Variants in GON4L observed in about 807,000 individuals in gnomAD.
The protein encoded by GON4L is gon-4 like.
In GON4L, 87 loss-of-function variants were observed where a neutral mutation model predicts 211.8. The observed-to-expected ratio is 0.41, with a 90% CI of 0.35 to 0.49. The LOEUF (loss-of-function observed/expected upper bound fraction) is 0.49. GON4L is among the 20% of genes least tolerant of loss of function. GON4L has a pLI of 0.15. For synonymous variants in GON4L, 875 were observed against 962.6 expected, an observed-to-expected ratio of 0.91 and a Z score of 1.68; for missense variants, 2,155 against 2,659.5, an observed-to-expected ratio of 0.81 and a Z score of 4.17.
chr1:155,747,754 C>A, downstream of GON4L: 1 of 1,613,856 alleles, frequency 6.2e-7, no homozygotes, highest in African/African-American at 1.3e-5. Flanking sequence ...TCACTCACCC[C>A]CGCCCAGGGC....
Position 155,789,085 on chromosome 1 carries a change from G to GA in GON4L, c.1748-3712dup, listed in dbSNP as rs10634121. ...GGTGACAGAGCGAGACTCCGTCTCG[G>GA]AAAAAAAAAAAAAAAAAAATCAGAA... On this transcript the variant is annotated intron_variant, in intron 12 of 31. Transcript: ENST00000368331. Among the ~76,000 whole-genome samples the GA allele has an allele frequency of 8.0e-3, 885 of 111,306 alleles. 10 individuals carry two copies. The highest frequency in any genetic ancestry group is 0.022 in the African/African-American group (637 of 29,418). 73.0% of individuals were successfully genotyped at this position (111,306 alleles called of 152,430 possible).
rs752684182 is a variant in GON4L at position 155,753,266 on chromosome 1, C to A, written c.5780G>T (p.Ser1927Ile). Residue 1927 changes from serine (S) to isoleucine (I), a missense_variant, in exon 29 of 32, where the codon AGC (serine) becomes ATC (isoleucine). Ser to Ile is a moderately radical substitution (Grantham distance 142). Transcript: ENST00000368331. ...AGTCCTGCTCTGGGTGGCCTCAGTGCTCTCCCGCTCCTCTGGGGCTTCCTC... is the reference window on the plus strand; with the variant it reads ...AGTCCTGCTCTGGGTGGCCTCAGTGATCTCCCGCTCCTCTGGGGCTTCCTC... ...MEEEAPEERE[S>I]TEATQSRTVR... is the part of the protein sequence containing the mutation. 5.0e-6 allele frequency: 8 copies of A among 1,612,902 alleles called. No individual in the cohort carries two copies. Among genetic ancestry groups the A allele is most frequent in the Non-Finnish European group, 6.8e-6 (8 of 1,179,606 alleles).
downstream of GON4L, chr1:155,748,341 C>T: frequency 6.6e-7 from 1 of 1,506,218 alleles, no homozygotes; most frequent in African/African-American, 1.4e-5. Flanking sequence ...TAACATTCTG[C>T]CTCCACACAT....
At chr1:155,829,437 C>T (rs867941626) in intron 2 of GON4L, among the ~76,000 whole-genome samples, 10 of 152,046 alleles carry the variant, frequency 6.6e-5, no homozygotes, top group Non-Finnish European at 8.8e-5. Flanking sequence ...AAAACCTCGT[C>T]TCTACTAAAA....
chr1:155,768,555 G>C (rs530699294), intron 19 of GON4L, among the ~76,000 whole-genome samples: 1 of 149,492 alleles, frequency 6.7e-6, no homozygotes, highest in Non-Finnish European at 1.5e-5. Context: ...AGCTTGCAGT[G>C]AGCCGAGATC....
intron 21 of GON4L, among the ~76,000 whole-genome samples, chr1:155,764,264 AT>A (rs1210561562): frequency 6.6e-6 from 1 of 151,680 alleles, no homozygotes; most frequent in African/African-American, 2.4e-5. Flanking sequence ...GATTACAGGC[AT>A]GTGCCACTAC....
At chr1:155,768,009 A>G (rs1662722075) in intron 19 of GON4L, among the ~76,000 whole-genome samples, 1 of 152,152 alleles carries the variant, frequency 6.6e-6, no homozygotes, top group African/African-American at 2.4e-5. Flanking sequence ...AGAAAGTTCA[A>G]TTTTAAGAGT....
At position 155,853,304 on chromosome 1, in the gene GON4L, C is replaced by T. The variant is rs1479913555; in HGVS notation, c.477G>A (p.Glu159=). 7 of 1,614,038 alleles carry T rather than the reference C, an allele frequency of 4.3e-6. No individual in the cohort carries two copies. Among genetic ancestry groups the T allele is most frequent in the Non-Finnish European group, 5.9e-6 (7 of 1,179,874 alleles). Residue 159 remains glutamate (E), a synonymous_variant, in exon 2 of 32, where the codon GAG becomes GAA. Transcript: ENST00000368331. ...CTTCTTCCTTGACTTCTTCACTAGG[C>T]TCTCCTGAAAAAGGCTCCTTTAGGG... The part of the protein sequence containing the change: ...HLTLKEPFSG[E]PSEEVKEEGG...
At position 155,809,994 on chromosome 1, in the gene GON4L, A is replaced by ATAAATTATATATATATATAAT. The variant is rs1557886158; in HGVS notation, c.1452+3639_1452+3640insATTATATATATATATAATTTA. On this transcript the variant is annotated intron_variant, in intron 10 of 31. Coordinates refer to ENST00000368331, the MANE Select transcript of GON4L (RefSeq NM_001282860.2). Reference sequence around the variant, plus strand: ...TTATAAATTATATATATATATAATTATATATATATATATATTTTTGAAATG... The same window carrying ATAAATTATATATATATATAAT: ...TTATAAATTATATATATATATAATTATAAATTATATATATATATAATTATATATATATATATTTTTGAAATG... 4.1e-4 allele frequency among the ~76,000 whole-genome samples: 3 copies of ATAAATTATATATATATATAAT among 7,364 alleles called. 1 individual carries two copies. The highest frequency in any genetic ancestry group is 6.2e-4 in the African/African-American group (3 of 4,866). 4.8% of individuals were successfully genotyped at this position (7,364 alleles called of 152,430 possible). A position where few individuals can be genotyped will look rare whatever the true frequency, so the allele number is the denominator to read the frequency against.
In GON4L at chr1:155,762,245, C is replaced by T. The variant is rs753615637; in HGVS notation, c.4856G>A (p.Arg1619Gln). The T allele has an allele frequency of 6.8e-6, 11 of 1,612,084 alleles. No homozygotes were observed. Among genetic ancestry groups the T allele is most frequent in the South Asian group, 2.2e-5 (2 of 90,522 alleles). Residue 1619 changes from arginine to glutamine, a missense_variant, in exon 23 of 32, where the codon CGA becomes CAA. Arg to Gln is a conservative substitution (Grantham distance 43). Coordinates refer to ENST00000368331, the MANE Select transcript of GON4L (RefSeq NM_001282860.2). ...GTCCTTCTGCTCCCTGAGTGGATCT[C>T]GCTCGAGAATGTCCTCATCATACAG... Reference protein sequence around the residue: ...LLLYDEDILERDPLREQKDLA... With the variant: ...LLLYDEDILEQDPLREQKDLA...
chr1:155,761,072 T>C lies in GON4L; in HGVS notation c.4912-431A>G, dbSNP rs118131937. On this transcript the variant is annotated intron_variant, in intron 23 of 31. Coordinates refer to ENST00000368331, the MANE Select transcript of GON4L (RefSeq NM_001282860.2). ...AGATAAGAAAAAGCTATGACTATCA[T>C]TGCCAGTATTCTGCTTTCCAGGGGG... Among the ~76,000 whole-genome samples the C allele has an allele frequency of 2.5e-4, 38 of 152,148 alleles. 1 individual carries two copies. In the East Asian group the frequency reaches 7.3e-3, roughly 29 times the overall value.
At chr1:155,850,244 T>C (rs1265385268) in intron 2 of GON4L, among the ~76,000 whole-genome samples, 1 of 152,212 alleles carries the variant, frequency 6.6e-6, no homozygotes, top group Non-Finnish European at 1.5e-5. Flanking sequence ...GTCAAATCTA[T>C]GTAATTAGCA....
chr1:155,747,783 C>G, downstream of GON4L: 1 of 1,613,720 alleles, frequency 6.2e-7, no homozygotes, highest in South Asian at 1.1e-5. Flanking sequence ...CCTGTGTGAC[C>G]TGCACGATGG....
intron 8 of GON4L, among the ~76,000 whole-genome samples, chr1:155,815,406 T>C (rs2102201478): frequency 6.6e-6 from 1 of 152,198 alleles, no homozygotes; most frequent in East Asian, 1.9e-4. Context: ...TAGAGATACA[T>C]ATTGAGGTGA....
intron 11 of GON4L, among the ~76,000 whole-genome samples, chr1:155,803,646 G>A (rs561956540): frequency 6.6e-6 from 1 of 152,182 alleles, no homozygotes; most frequent in East Asian, 1.9e-4. Context: ...CAACCACACT[G>A]TTCTATGAGG....
At chr1:155,827,103 T>G (rs1011204045) in intron 2 of GON4L, 75 bp from the exon 3 acceptor site, 42 of 1,117,852 alleles carry the variant, frequency 3.8e-5, no homozygotes, top group Non-Finnish European at 5.2e-5. Context: ...TAGCATCTTA[T>G]TATAGTGTTT....
At chr1:155,781,850 G>T (rs1168374868) in intron 14 of GON4L, among the ~76,000 whole-genome samples, 1 of 151,990 alleles carries the variant, frequency 6.6e-6, no homozygotes, top group African/African-American at 2.4e-5. Context: ...TCCGCCTCCA[G>T]GGTTCAAGTG....
At chr1:155,796,859 A>G (rs2102005207) in intron 11 of GON4L, among the ~76,000 whole-genome samples, 1 of 152,228 alleles carries the variant, frequency 6.6e-6, no homozygotes, top group Non-Finnish European at 1.5e-5. Flanking sequence ...GAGAATACCT[A>G]AATTTCTTAC....
intron 25 of GON4L, 36 bp from the exon 26 acceptor site, chr1:155,757,359 A>AGAGC: frequency 6.2e-7 from 1 of 1,602,940 alleles, no homozygotes; most frequent in Non-Finnish European, 8.5e-7. Context: ...GGAAGTCTCC[A>AGAGC]GAGCCTCTCT....
Sources: gnomAD v4.1 joint callset for allele counts (sites outside exome capture counted in the v4.1 genomes callset) on GRCh38, gnomAD v4.1.1 for gene constraint, MANE v1.5 for transcripts, NCBI Gene and HGNC (gene_info 2026-07-23, HGNC 2026-07-21) for gene names.